MYO15A: variants seen among roughly 807,000 people sequenced by gnomAD.
MYO15A encodes the protein myosin XVA.
In MYO15A, 308 loss-of-function variants were observed where a neutral mutation model predicts 394.6. The ratio of observed to expected loss-of-function variants is 0.78; its 90% CI spans 0.71 to 0.86. MYO15A has a LOEUF of 0.86. Ranked by LOEUF, MYO15A falls within the 40% of genes least tolerant of loss-of-function variation. The pLI is 0.00. For synonymous variants in MYO15A, 1,957 were observed against 2,003.8 expected, an observed-to-expected ratio of 0.98 and a Z score of 0.62; for missense variants, 4,606 against 4,799.1, an observed-to-expected ratio of 0.96 and a Z score of 1.19.
At chr17:18,144,861 G>C (rs1227752667) in intron 29 of MYO15A, among the ~76,000 whole-genome samples, 1 of 150,852 alleles carries the variant, frequency 6.6e-6, no homozygotes, top group Non-Finnish European at 1.5e-5. Context: ...AAGAGACCCA[G>C]ATCTCCTTAA....
chr17:18,164,832 C>CCA (rs2046828012), intron 60 of MYO15A: 1 of 84,334 alleles, frequency 1.2e-5, no homozygotes, highest in African/African-American at 5.7e-5. Context: ...ACTCTATCTG[C>CCA]AAAAAAAAAA....
At chr17:18,114,408 C>T (rs770142645) in intron 1 of MYO15A, among the ~76,000 whole-genome samples, 15 of 152,036 alleles carry the variant, frequency 9.9e-5, no homozygotes, top group Non-Finnish European at 1.8e-4. Context: ...TGCGCCACCA[C>T]GCCCAGCTAA....
In MYO15A at chr17:18,119,929, A is replaced by C. The variant is rs1597751403; in HGVS notation, c.1129A>C (p.Thr377Pro). Reference sequence around the variant, plus strand: ...CTTTGATCCCTACGGAGTCCACTACACCGTCCCCTATGCCGAAGGCGTCTA... The same window carrying C: ...CTTTGATCCCTACGGAGTCCACTACCCCGTCCCCTATGCCGAAGGCGTCTA... Reference protein sequence around the residue: ...PYFDPYGVHYTVPYAEGVYGG... With the variant: ...PYFDPYGVHYPVPYAEGVYGG... Residue 377 changes from threonine (T) to proline (P), a missense_variant, in exon 2 of 66, where the codon ACC becomes CCC. Transcript: ENST00000647165. 3 of 1,613,302 alleles carry C rather than the reference A, an allele frequency of 1.9e-6. No individual in the cohort carries two copies. The highest frequency in any genetic ancestry group is 2.5e-6 in the Non-Finnish European group (3 of 1,179,944).
chr17:18,131,204 G>A, intron 8 of MYO15A, 35 bp from the exon 9 acceptor site: 2 of 1,574,008 alleles, frequency 1.3e-6, no homozygotes, highest in South Asian at 2.2e-5. Context: ...ACAGTGCCTA[G>A]CCCCTCAATT....
At position 18,131,254 on chromosome 17, in the gene MYO15A, C is replaced by A; in HGVS notation, c.4054C>A (p.Pro1352Thr). The A allele has an allele frequency of 6.2e-7, 1 of 1,614,008 alleles. No homozygotes were observed. The change falls in exon 9 of 66, where the codon CCC (proline) becomes ACC (threonine). Residue 1352 changes from proline (P) to threonine (T), a missense_variant. Physicochemically the swap from Pro to Thr is conservative, Grantham distance 38. Coordinates refer to ENST00000647165, the MANE Select transcript of MYO15A (RefSeq NM_016239.4). The stretch of plus-strand genomic sequence containing the variant: ...TGGAGTCCAGATCCTGGAGGCAACA[C>A]CCCTCTTGGAGTCCTTCGGTAATGC... ...MQQIKILEAT[P>T]LLESFGNAKT...
At chr17:18,139,661 C>T (rs764921712) in intron 19 of MYO15A, 50 bp downstream of exon 19, 1 of 1,407,352 alleles carries the variant, frequency 7.1e-7, no homozygotes, top group South Asian at 1.3e-5. Context: ...CATGTCCCCA[C>T]CCCCACACCC....
At chr17:18,113,187 C>T (rs985620363) in intron 1 of MYO15A, among the ~76,000 whole-genome samples, 9 of 152,058 alleles carry the variant, frequency 5.9e-5, no homozygotes, top group African/African-American at 2.2e-4. Context: ...GAGTCTTGCT[C>T]TGTGTCAGAG....
intron 60 of MYO15A, chr17:18,164,055 A>T: frequency 1.7e-6 from 1 of 599,010 alleles, no homozygotes; most frequent in Non-Finnish European, 3.0e-6. Context: ...CCTTATGATG[A>T]GAGCCCTCTC....
At chr17:18,144,463 C>T (rs1366362760) in intron 28 of MYO15A, 34 bp from the exon 29 acceptor site, 1 of 1,547,020 alleles carries the variant, frequency 6.5e-7, no homozygotes, top group Non-Finnish European at 8.9e-7. Context: ...GTCAGTCCAG[C>T]TCTGTCTGCT....
At position 18,171,708 on chromosome 17, in the gene MYO15A, G is replaced by C. The variant is rs2046943441; in HGVS notation, c.10153G>C (p.Val3385Leu). The C allele has an allele frequency of 6.2e-7, 1 of 1,613,038 alleles. No homozygotes were observed. The highest frequency in any genetic ancestry group is 8.5e-7 in the Non-Finnish European group (1 of 1,180,014). ...GGCAGGCTCGACCTGGCTCAACCTGGTCAGCCAGCACCGGCAGCAGACACA... is the reference window on the plus strand; with the variant it reads ...GGCAGGCTCGACCTGGCTCAACCTGCTCAGCCAGCACCGGCAGCAGACACA... Reference protein sequence around the residue: ...TTAGSTWLNLVSQHRQQTQAL... With the variant: ...TTAGSTWLNLLSQHRQQTQAL... Residue 3385 changes from valine to leucine, a missense_variant, in exon 63 of 66, where the codon GTC becomes CTC. Physicochemically the swap from Val to Leu is conservative, Grantham distance 32. Around this residue, in one of 2 missense-constraint regions of MYO15A, gnomAD observed 2,776 missense variants for 3,109.3 expected, o/e 0.89. Transcript: ENST00000647165.
intron 42 of MYO15A, among the ~76,000 whole-genome samples, chr17:18,152,756 C>T (rs749080157): frequency 6.6e-5 from 10 of 152,166 alleles, no homozygotes; most frequent in African/African-American, 9.7e-5. Context: ...TCTCTGTTCT[C>T]GGAACACTCC....
chr17:18,159,027 T>C, intron 53 of MYO15A, 30 bp downstream of exon 53: 1 of 1,610,438 alleles, frequency 6.2e-7, no homozygotes, highest in South Asian at 1.1e-5. Context: ...AGTTTCCCCA[T>C]CTGTAAAATG....
chr17:18,149,040 C>T, intron 33 of MYO15A, 88 bp downstream of exon 33: 2 of 1,509,536 alleles, frequency 1.3e-6, no homozygotes, highest in Non-Finnish European at 1.8e-6. Flanking sequence ...CCCCTCCCAG[C>T]TGCTGGGACA....
chr17:18,120,923 C>G lies in MYO15A; in HGVS notation c.2123C>G (p.Ala708Gly). The change falls in exon 2 of 66, where the codon GCG becomes GGG. Residue 708 changes from alanine (A) to glycine (G), a missense_variant. Physicochemically the swap from Ala to Gly is moderately conservative, Grantham distance 60. This residue lies in a region of MYO15A where 1,830 missense variants were observed against 1,689.7 expected (regional missense o/e 1.08). Transcript: ENST00000647165. ...RRHPPPWAAP[A>G]HVPPAPQASW... ...CACCCGCCGCCCTGGGCCGCCCCAG[C>G]GCACGTGCCACCGGCGCCGCAGGCC... 1 of 1,462,780 alleles carries G rather than the reference C, an allele frequency of 6.8e-7. No homozygotes were observed. Among genetic ancestry groups the G allele is most frequent in the South Asian group, 1.3e-5 (1 of 77,660 alleles). The allele number at this position is 1,462,780 out of a possible 1,614,324, so 90.6% of individuals were successfully genotyped here. A position where few individuals can be genotyped will look rare whatever the true frequency, so the allele number is the denominator to read the frequency against.
Position 18,119,158 on chromosome 17 carries a change from C to T in MYO15A, c.358C>T (p.Leu120=). The part of the protein sequence containing the change: ...RFPGRRGYGR[L]RPRARSLSKA... ...CCCAGGCCGCCGTGGCTACGGCCGC[C>T]TGCGGCCGCGCGCCCGGTCACTCAG... Residue 120 remains leucine (L), a synonymous_variant, in exon 2 of 66, where the codon CTG becomes TTG. Coordinates refer to ENST00000647165, the MANE Select transcript of MYO15A (RefSeq NM_016239.4). The T allele has an allele frequency of 6.2e-7, 1 of 1,611,814 alleles. No homozygotes were observed. Among genetic ancestry groups the T allele is most frequent in the Non-Finnish European group, 8.5e-7 (1 of 1,179,582 alleles).
At chr17:18,128,847 C>T (rs983628196) in intron 7 of MYO15A, among the ~76,000 whole-genome samples, 11 of 151,794 alleles carry the variant, frequency 7.2e-5, no homozygotes, top group East Asian at 2.0e-4. Context: ...TCAGGGAGGA[C>T]GGATGGAGCT....
At position 18,121,058 on chromosome 17, in the gene MYO15A, C is replaced by T; in HGVS notation, c.2258C>T (p.Ala753Val). 6.6e-7 allele frequency: 1 copy of T among 1,507,400 alleles called. No homozygotes were observed. Among genetic ancestry groups the T allele is most frequent in the Non-Finnish European group, 8.8e-7 (1 of 1,132,800 alleles). The allele number at this position is 1,507,400 out of a possible 1,614,324, so 93.4% of individuals were successfully genotyped here. A position where few individuals can be genotyped will look rare whatever the true frequency, so the allele number is the denominator to read the frequency against. The change falls in exon 2 of 66, where the codon GCG becomes GTG. Residue 753 changes from alanine (A) to valine (V), a missense_variant. By Grantham distance (64) the Ala-to-Val change is moderately conservative. This residue lies in a region of MYO15A where 1,830 missense variants were observed against 1,689.7 expected (regional missense o/e 1.08). Coordinates refer to ENST00000647165, the MANE Select transcript of MYO15A (RefSeq NM_016239.4). This position sits in a 1 kb window ranked among gnomAD's most constrained non-coding sequence, Gnocchi z 5.3. ...TTCAGGGGCTCCCGCCGGAGAGGGG[C>T]GGCTTTCGGCTTCCCCGGGGCCTCT... Reference protein sequence around the residue: ...PSFRGSRRRGAAFGFPGASPR... With the variant: ...PSFRGSRRRGVAFGFPGASPR...
At chr17:18,111,341 GAAAAAA>G (rs57095827) in intron 1 of MYO15A, among the ~76,000 whole-genome samples, 7 of 119,004 alleles carry the variant, frequency 5.9e-5, no homozygotes, top group Middle Eastern at 4.5e-3. Context: ...TCTCAAAAGA[GAAAAAA>G]AAAAAAAAAA....
chr17:18,178,126 CT>C (rs1033670090), intron 65 of MYO15A: 1 of 157,248 alleles, frequency 6.4e-6, no homozygotes, highest in Non-Finnish European at 1.4e-5. Flanking sequence ...AATCCCAGCA[CT>C]TTGGGAGGCC....
Sources: allele counts gnomAD v4.1 joint callset (sites outside exome capture counted in the v4.1 genomes callset), GRCh38; gene constraint gnomAD v4.1.1; regional missense constraint gnomAD v4.1.1; non-coding constraint Gnocchi (gnomAD v3.1); transcripts MANE v1.5; gene names NCBI Gene and HGNC (gene_info 2026-07-23, HGNC 2026-07-21).